Variants in HMGXB4 observed in about 807,000 individuals in gnomAD.
The protein encoded by HMGXB4 is HMG-box containing 4.
In HMGXB4, 27 loss-of-function variants were observed where a neutral mutation model predicts 63.9. That is an observed-to-expected ratio of 0.42 (90% CI 0.31 to 0.58). HMGXB4 has a LOEUF of 0.58. Among genes scored for constraint, HMGXB4 ranks in the 20% least tolerant of loss-of-function variants. HMGXB4 has a pLI of 0.13. For missense variants in HMGXB4, 624 were observed against 700.7 expected (o/e 0.89, Z 1.24); for synonymous variants, 264 against 265.3 (o/e 0.99, Z 0.05).
intron 5 of HMGXB4, among the ~76,000 whole-genome samples, chr22:35,280,557 T>C (rs1924186540): frequency 6.6e-6 from 1 of 152,298 alleles, no homozygotes; most frequent in South Asian, 2.1e-4. Context: ...TGCAGCAGCC[T>C]CCTGATTGGT....
intron 5 of HMGXB4, among the ~76,000 whole-genome samples, chr22:35,275,286 AT>A (rs2146420593): frequency 6.6e-6 from 1 of 151,674 alleles, no homozygotes; most frequent in Middle Eastern, 3.4e-3. Context: ...CACCCAGCTA[AT>A]TTTTGTCTTT....
chr22:35,266,432 G>A (rs542064832), intron 5 of HMGXB4, among the ~76,000 whole-genome samples: 45 of 152,284 alleles, frequency 3.0e-4, no homozygotes, highest in Non-Finnish European at 1.8e-4. Flanking sequence ...GCTCAATGCT[G>A]TAGATAGTAC....
the HMGXB4 span, among the ~76,000 whole-genome samples, chr22:35,244,806 T>C: frequency 1.3e-5 from 2 of 152,184 alleles, no homozygotes; most frequent in African/African-American, 4.8e-5. Context: ...ACGTCAGGCA[T>C]CAGGTTATAA....
chr22:35,258,763 C>T (rs1922635322), intron 1 of HMGXB4, among the ~76,000 whole-genome samples: 1 of 152,214 alleles, frequency 6.6e-6, no homozygotes, highest in South Asian at 2.1e-4. Context: ...CTTCCTTTAC[C>T]TGCACTGACT....
At chr22:35,291,708 C>T (rs988978338) in intron 9 of HMGXB4, among the ~76,000 whole-genome samples, 2 of 152,160 alleles carry the variant, frequency 1.3e-5, no homozygotes, top group African/African-American at 4.8e-5. Flanking sequence ...TGAATTATAT[C>T]ATTTAATTCA....
chr22:35,253,604 C>CGT (rs1922278874), upstream of HMGXB4, among the ~76,000 whole-genome samples: 1 of 149,074 alleles, frequency 6.7e-6, no homozygotes, highest in Admixed American at 6.6e-5. Context: ...ATTTTGTGCG[C>CGT]GCGCGCGCGC....
the HMGXB4 span, among the ~76,000 whole-genome samples, chr22:35,245,361 TTC>T: frequency 7.3e-5 from 11 of 151,196 alleles, no homozygotes; most frequent in Non-Finnish European, 1.2e-4. Flanking sequence ...ACTATCTTTT[TTC>T]TCTTTTTATA....
At chr22:35,290,808 C>G (rs919656695) in intron 9 of HMGXB4, among the ~76,000 whole-genome samples, 6 of 151,924 alleles carry the variant, frequency 3.9e-5, no homozygotes, top group Non-Finnish European at 8.8e-5. Flanking sequence ...ATAAACTTGT[C>G]TGTGCTTTTA....
At chr22:35,282,333 T>C (rs138925336) in intron 5 of HMGXB4, among the ~76,000 whole-genome samples, 126 of 152,214 alleles carry the variant, frequency 8.3e-4, no homozygotes, top group Middle Eastern at 3.4e-3. Flanking sequence ...CCCACCACCA[T>C]GCCCGGCTAA....
At chr22:35,265,752 A>G (rs1923199173) in intron 5 of HMGXB4, 149 bp downstream of exon 5, 1 of 1,109,434 alleles carries the variant, frequency 9.0e-7, no homozygotes. Context: ...AGTATAAAAT[A>G]TTACCAGTAG....
At chr22:35,290,602 G>GC (rs1924870895) in intron 9 of HMGXB4, among the ~76,000 whole-genome samples, 1 of 137,386 alleles carries the variant, frequency 7.3e-6, no homozygotes, top group South Asian at 2.2e-4. Context: ...CTGCACTCCA[G>GC]CCTGGGCGAC....
upstream of HMGXB4, among the ~76,000 whole-genome samples, chr22:35,254,477 G>T (rs1186568581): frequency 6.6e-6 from 1 of 152,250 alleles, no homozygotes; most frequent in Non-Finnish European, 1.5e-5. Context: ...TAGCTCCGGT[G>T]TGCACCTCAA....
At chr22:35,260,755 AATC>A (rs1176689070) in intron 1 of HMGXB4, among the ~76,000 whole-genome samples, 1 of 152,208 alleles carries the variant, frequency 6.6e-6, no homozygotes. Flanking sequence ...TAATCTAATA[AATC>A]ATTCTTGGTA....
intron 5 of HMGXB4, among the ~76,000 whole-genome samples, chr22:35,272,374 G>A (rs1266769858): frequency 6.6e-6 from 1 of 150,980 alleles, no homozygotes; most frequent in Non-Finnish European, 1.5e-5. Flanking sequence ...ACAAAGAAGG[G>A]AAATTACACT....
intron 5 of HMGXB4, among the ~76,000 whole-genome samples, chr22:35,275,760 A>G (rs1923878301): frequency 6.6e-6 from 1 of 152,206 alleles, no homozygotes; most frequent in Non-Finnish European, 1.5e-5. Context: ...TTACTTTTTG[A>G]ATATTCTTGA....
At chr22:35,266,067 G>A (rs992560732) in intron 5 of HMGXB4, among the ~76,000 whole-genome samples, 1 of 151,888 alleles carries the variant, frequency 6.6e-6, no homozygotes, top group African/African-American at 2.4e-5. Flanking sequence ...AGGATTACAG[G>A]CATGAGCCAC....
At chr22:35,289,391 C>T (rs1056827507) in intron 9 of HMGXB4, among the ~76,000 whole-genome samples, 2 of 152,082 alleles carry the variant, frequency 1.3e-5, no homozygotes, top group Non-Finnish European at 2.9e-5. Flanking sequence ...CCCAGGAGCT[C>T]AAAGGCTGCA....
intron 5 of HMGXB4, among the ~76,000 whole-genome samples, chr22:35,277,267 G>C (rs950715212): frequency 6.6e-6 from 1 of 152,234 alleles, no homozygotes; most frequent in Non-Finnish European, 1.5e-5. Context: ...AGACCAGCCA[G>C]AGACTGTCAT....
At position 35,262,386 on chromosome 22, in the gene HMGXB4, C is replaced by G; in HGVS notation, c.-5C>G. On this transcript the variant is annotated 5_prime_UTR_variant, in exon 2 of 11. Coordinates refer to ENST00000216106, the MANE Select transcript of HMGXB4 (RefSeq NM_001003681.3). Reference sequence around the variant, plus strand: ...ACACATTCTCAAAGGCCCTGCAGGACCACCATGGCTTATGATGACTCCGTG... The same window carrying G: ...ACACATTCTCAAAGGCCCTGCAGGAGCACCATGGCTTATGATGACTCCGTG... The G allele has an allele frequency of 1.2e-6, 2 of 1,613,840 alleles. No homozygotes were observed. The highest frequency in any genetic ancestry group is 1.7e-6 in the Non-Finnish European group (2 of 1,179,720).
Sources: allele counts gnomAD v4.1 joint callset (sites outside exome capture counted in the v4.1 genomes callset), GRCh38; gene constraint gnomAD v4.1.1; transcripts MANE v1.5; gene names NCBI Gene and HGNC (gene_info 2026-07-23, HGNC 2026-07-21).